FAIM2: variants seen among roughly 807,000 people sequenced by gnomAD.
FAIM2 encodes the protein Fas apoptotic inhibitory molecule 2.
Under a neutral mutation model 47.4 loss-of-function variants are expected in FAIM2, and 27 were observed. The observed-to-expected ratio is 0.57, with a 90% CI of 0.42 to 0.78. FAIM2 has a LOEUF of 0.78. FAIM2 is among the 30% of genes least tolerant of loss of function. The probability of loss-of-function intolerance (pLI) is 0.00; values close to 1 mark genes in which losing one functional copy is unlikely to be tolerated. For synonymous variants in FAIM2, 156 were observed against 159.3 expected (o/e 0.98, Z 0.16); for missense variants, 311 against 389.4 (o/e 0.80, Z 1.69).
Position 49,870,089 on chromosome 12 carries a change from C to T in FAIM2, c.*415G>A. The T allele has an allele frequency of 6.0e-6, 1 of 166,596 alleles. No homozygotes were observed. The highest frequency in any genetic ancestry group is 1.3e-5 in the Non-Finnish European group (1 of 77,160). 10.3% of individuals were successfully genotyped at this position (166,596 alleles called of 1,614,324 possible). ...AAGACAGGAGGACACAGACTGGATGCAGGACAGTGTGCCCTAAGGCCACAT... is the reference window on the plus strand; with the variant it reads ...AAGACAGGAGGACACAGACTGGATGTAGGACAGTGTGCCCTAAGGCCACAT... On this transcript the variant is annotated 3_prime_UTR_variant, in exon 12 of 12. Transcript: ENST00000320634.
rs1405670575 is a variant in FAIM2, at chr12:49,891,730, C to A, written c.435-616G>T. Among the ~76,000 whole-genome samples, 4 of 152,298 alleles carry A rather than the reference C, an allele frequency of 2.6e-5. No homozygotes were observed. The East Asian group carries it at 5.8e-4, about 22-fold the overall frequency. The stretch of plus-strand genomic sequence containing the variant: ...AATTGTAAACTCAGCAAGGGTAGGG[C>A]CCTCTTCTGTCCTGCCAGCACCTGG... On this transcript the variant is annotated intron_variant, in intron 5 of 11. Transcript: ENST00000320634.
chr12:49,892,648 G>C (rs140475730), intron 5 of FAIM2, among the ~76,000 whole-genome samples: 1 of 151,998 alleles, frequency 6.6e-6, no homozygotes, highest in Non-Finnish European at 1.5e-5. Flanking sequence ...GTCCCTCCAG[G>C]GTCTCTCTCA....
rs889466363 is a variant in FAIM2 at position 49,869,275 on chromosome 12, T to TG, written c.*1228dup. On this transcript the variant is annotated 3_prime_UTR_variant, in exon 12 of 12. Transcript: ENST00000320634. The stretch of plus-strand genomic sequence containing the variant: ...CCTGGCCTCATTACATGGGACCAGC[T>TG]GGAGGGACTGGCCCTGGCTGTTAGC... 2.0e-5 allele frequency: 3 copies of TG among 152,950 alleles called. No individual in the cohort carries two copies. Among genetic ancestry groups the TG allele is most frequent in the South Asian group, 2.1e-4 (1 of 4,820 alleles). The allele number at this position is 152,950 out of a possible 1,614,324, so 9.5% of individuals were successfully genotyped here. A position where few individuals can be genotyped will look rare whatever the true frequency, so the allele number is the denominator to read the frequency against.
chr12:49,889,314 G>C (rs1217480118), intron 9 of FAIM2, 112 bp from the exon 10 acceptor site: 1 of 1,012,364 alleles, frequency 9.9e-7, no homozygotes, highest in African/African-American at 1.6e-5. Flanking sequence ...CCAAGAACCT[G>C]GCATTCCTTC....
At chr12:49,877,751 TAC>T (rs1405485022) in intron 11 of FAIM2, among the ~76,000 whole-genome samples, 1 of 152,140 alleles carries the variant, frequency 6.6e-6, no homozygotes, top group Non-Finnish European at 1.5e-5. Flanking sequence ...CCTGTATATA[TAC>T]GTGTGTATGT....
At chr12:49,880,494 A>G (rs111203878) in intron 11 of FAIM2, among the ~76,000 whole-genome samples, 1 of 138,814 alleles carries the variant, frequency 7.2e-6, no homozygotes, top group African/African-American at 2.6e-5. Context: ...ATGCATGTGT[A>G]TGTGTGTGTA....
At chr12:49,894,503 G>C (rs1946922120) in intron 5 of FAIM2, among the ~76,000 whole-genome samples, 1 of 152,150 alleles carries the variant, frequency 6.6e-6, no homozygotes, top group South Asian at 2.1e-4. Context: ...GGCAGCCCAG[G>C]GGGCAGGGAA....
chr12:49,899,305 C>T (rs969207294), intron 2 of FAIM2, among the ~76,000 whole-genome samples: 3 of 152,152 alleles, frequency 2.0e-5, no homozygotes, highest in African/African-American at 7.2e-5. Flanking sequence ...CCACTGTCCC[C>T]ACTAGGTTTC....
intron 11 of FAIM2, among the ~76,000 whole-genome samples, chr12:49,880,164 G>GTT (rs1337518501): frequency 7.2e-6 from 1 of 139,190 alleles, no homozygotes; most frequent in Non-Finnish European, 1.5e-5. Context: ...GTGTGCATGT[G>GTT]TGTATGTGTG....
chr12:49,880,090 C>CTG (rs1193812184), intron 11 of FAIM2, among the ~76,000 whole-genome samples: 1 of 139,506 alleles, frequency 7.2e-6, no homozygotes, highest in Non-Finnish European at 1.6e-5. Flanking sequence ...ATGTGTGTGC[C>CTG]TGTGTGTATA....
At chr12:49,898,355 C>T (rs1367912790) in intron 2 of FAIM2, among the ~76,000 whole-genome samples, 1 of 152,240 alleles carries the variant, frequency 6.6e-6, no homozygotes, top group Non-Finnish European at 1.5e-5. Flanking sequence ...GGCTGGGGCT[C>T]CCTGGGGACC....
Position 49,873,031 on chromosome 12 carries a change from C to T in FAIM2, c.802-2378G>A, listed in dbSNP as rs1475115848. Among the ~76,000 whole-genome samples the T allele has an allele frequency of 2.0e-5, 3 of 152,200 alleles. No individual in the cohort carries two copies. The East Asian group carries it at 5.8e-4, about 29-fold the overall frequency. ...GACTCAGGTGTCTCTTGCATCTCAT[C>T]AGGGAGGCAGCACTGTTCCTTGGGG... is the stretch of plus-strand genomic sequence containing the variant. On this transcript the variant is annotated intron_variant, in intron 11 of 11. Transcript: ENST00000320634.
rs1470096628 is a variant in FAIM2 at position 49,870,439 on chromosome 12, C to T, written c.*65G>A. 1 of 1,462,662 alleles carries T rather than the reference C, an allele frequency of 6.8e-7. No individual in the cohort carries two copies. The highest frequency in any genetic ancestry group is 1.4e-5 in the African/African-American group (1 of 71,382). 90.6% of individuals were successfully genotyped at this position (1,462,662 alleles called of 1,614,324 possible). A position where few individuals can be genotyped will look rare whatever the true frequency, so the allele number is the denominator to read the frequency against. On this transcript the variant is annotated 3_prime_UTR_variant, in exon 12 of 12. Transcript: ENST00000320634. ...TTTTATATCTGGTCTCGCAGGAGCG[C>T]AGGGGAGGGACAGGGAACCAGGAGG...
At chr12:49,881,086 T>C (rs1940282141) in intron 11 of FAIM2, among the ~76,000 whole-genome samples, 1 of 152,136 alleles carries the variant, frequency 6.6e-6, no homozygotes, top group Non-Finnish European at 1.5e-5. Flanking sequence ...AGGTCCAGCA[T>C]CCCTACTGAG....
chr12:49,880,059 T>G, intron 11 of FAIM2, among the ~76,000 whole-genome samples: 1 of 151,274 alleles, frequency 6.6e-6, no homozygotes, highest in Non-Finnish European at 1.5e-5. Flanking sequence ...TATATATGTA[T>G]TTATTTGTGT....
chr12:49,879,498 GTATA>G (rs1378398581), intron 11 of FAIM2, among the ~76,000 whole-genome samples: 1 of 144,310 alleles, frequency 6.9e-6, no homozygotes, highest in African/African-American at 2.5e-5. Flanking sequence ...GTGTATGTGT[GTATA>G]TGTATGTGCA....
intron 2 of FAIM2, among the ~76,000 whole-genome samples, chr12:49,899,399 A>G (rs569597850): frequency 8.0e-4 from 122 of 152,142 alleles, no homozygotes; most frequent in Non-Finnish European, 9.6e-4. Context: ...GAGCTCTTCA[A>G]TGGCTCCCCA....
At chr12:49,886,600 G>A (rs1189962969) in intron 11 of FAIM2, among the ~76,000 whole-genome samples, 9 of 152,036 alleles carry the variant, frequency 5.9e-5, no homozygotes, top group Admixed American at 1.3e-4. Flanking sequence ...CTCAGCCTCC[G>A]GAGTAGCTGG....
At chr12:49,900,318 G>T in intron 2 of FAIM2, 1 of 876,634 alleles carries the variant, frequency 1.1e-6, no homozygotes, top group Non-Finnish European at 1.5e-6. Context: ...GCTGGAGGTG[G>T]GGTGATAAAG....
Sources: gnomAD v4.1 joint callset for allele counts (sites outside exome capture counted in the v4.1 genomes callset) on GRCh38, gnomAD v4.1.1 for gene constraint, MANE v1.5 for transcripts, NCBI Gene and HGNC (gene_info 2026-07-23, HGNC 2026-07-21) for gene names.